Variants in SPICE1 observed in about 807,000 individuals in gnomAD.
SPICE1 encodes spindle and centriole associated protein 1.
Under a neutral mutation model 102.7 loss-of-function variants are expected in SPICE1, and 75 were observed. That is an observed-to-expected ratio of 0.73 (90% CI 0.61 to 0.88). The LOEUF (loss-of-function observed/expected upper bound fraction) is 0.88, where lower values mean the gene tolerates loss of function less well. SPICE1 is among the 40% of genes least tolerant of loss of function. The pLI is 0.00. For missense variants in SPICE1, 979 were observed against 1,020.1 expected, an observed-to-expected ratio of 0.96 and a Z score of 0.55; for synonymous variants, 308 against 350.3, an observed-to-expected ratio of 0.88 and a Z score of 1.35.
chr3:113,500,079 A>G (rs1292080261), intron 3 of SPICE1, among the ~76,000 whole-genome samples: 1 of 152,190 alleles, frequency 6.6e-6, no homozygotes, highest in Non-Finnish European at 1.5e-5. Flanking sequence ...TAGTGTTTAT[A>G]GCCCTTCAAT....
At chr3:113,459,509 A>T in intron 12 of SPICE1, 1 of 984,310 alleles carries the variant, frequency 1.0e-6, no homozygotes, top group Non-Finnish European at 1.2e-6. Context: ...TCTTACCTAT[A>T]GGATAATTAA....
At chr3:113,446,782 C>A in intron 16 of SPICE1, 106 bp from the exon 17 acceptor site, 1 of 899,298 alleles carries the variant, frequency 1.1e-6, no homozygotes, top group Non-Finnish European at 1.8e-6. Flanking sequence ...AGCTTGAAAA[C>A]ATATGGCTAA....
chr3:113,462,178 C>T (rs1935947201), intron 11 of SPICE1, among the ~76,000 whole-genome samples: 1 of 152,192 alleles, frequency 6.6e-6, no homozygotes, highest in Non-Finnish European at 1.5e-5. Flanking sequence ...CCCACTTCCA[C>T]CCTAGACCAA....
intron 3 of SPICE1, among the ~76,000 whole-genome samples, chr3:113,500,445 G>C (rs1273402596): frequency 6.6e-6 from 1 of 151,960 alleles, no homozygotes; most frequent in African/African-American, 2.4e-5. Context: ...TTGAATATGG[G>C]CTAGGTATTA....
At position 113,491,713 on chromosome 3, in the gene SPICE1, G is replaced by GTATCC. The variant is rs554197724; in HGVS notation, c.492+1488_492+1492dup. 4.0e-5 allele frequency among the ~76,000 whole-genome samples: 6 copies of GTATCC among 150,984 alleles called. No individual in the cohort carries two copies. The East Asian group carries it at 1.2e-3, about 29-fold the overall frequency. ...AGTGGTCCTCTGCTTATCTATTCAGGTATCCTCTCTCTCCTCCCTCACTGC... is the reference window on the plus strand; with the variant it reads ...AGTGGTCCTCTGCTTATCTATTCAGGTATCCTATCCTCTCTCTCCTCCCTCACTGC... On this transcript the variant is annotated intron_variant, in intron 6 of 17. Coordinates refer to ENST00000295872, the MANE Select transcript of SPICE1 (RefSeq NM_144718.4).
chr3:113,493,170 A>T (rs1402824299), intron 6 of SPICE1, 36 bp downstream of exon 6: 7 of 1,432,412 alleles, frequency 4.9e-6, no homozygotes. Flanking sequence ...ACTTCCTTTC[A>T]GCATGAGTGT....
At chr3:113,495,184 G>C (rs1936855809) in intron 4 of SPICE1, among the ~76,000 whole-genome samples, 1 of 152,118 alleles carries the variant, frequency 6.6e-6, no homozygotes, top group Admixed American at 6.5e-5. Flanking sequence ...TAGAGTAAAA[G>C]CCAGATAATT....
At chr3:113,473,190 T>C (rs1936249339) in intron 7 of SPICE1, among the ~76,000 whole-genome samples, 1 of 151,882 alleles carries the variant, frequency 6.6e-6, no homozygotes, top group Admixed American at 6.6e-5. Context: ...GTATCAGCGA[T>C]GGAAGATGAA....
intron 7 of SPICE1, among the ~76,000 whole-genome samples, chr3:113,474,017 T>C (rs1249590654): frequency 6.6e-6 from 1 of 152,038 alleles, no homozygotes; most frequent in Non-Finnish European, 1.5e-5. Flanking sequence ...TCAAGACCCA[T>C]CAGTGTGCTG....
chr3:113,468,662 T>C (rs1936121314), intron 9 of SPICE1, 100 bp downstream of exon 9: 3 of 1,355,770 alleles, frequency 2.2e-6, no homozygotes, highest in East Asian at 2.3e-5. Flanking sequence ...GTTGGAACCA[T>C]GTGGATGAGA....
At chr3:113,476,477 G>T (rs1185896926) in intron 7 of SPICE1, among the ~76,000 whole-genome samples, 1 of 148,146 alleles carries the variant, frequency 6.8e-6, no homozygotes, top group Non-Finnish European at 1.5e-5. Flanking sequence ...GCATCACCAA[G>T]TCAATCCTAA....
intron 11 of SPICE1, among the ~76,000 whole-genome samples, chr3:113,463,349 C>A (rs60360979): frequency 0.015 from 2,303 of 152,286 alleles, 47 homozygotes; most frequent in African/African-American, 0.044. Flanking sequence ...GTACCTAGAA[C>A]AGTACCAGGC....
intron 4 of SPICE1, among the ~76,000 whole-genome samples, chr3:113,498,744 A>C (rs6438160): frequency 0.32 from 48,057 of 152,164 alleles, 8,948 homozygotes; most frequent in African/African-American, 0.52. Flanking sequence ...AAGCTTCAAT[A>C]TGAACAAGGA....
chr3:113,455,865 C>T (rs1935767905), intron 13 of SPICE1, among the ~76,000 whole-genome samples: 1 of 152,134 alleles, frequency 6.6e-6, no homozygotes, highest in African/African-American at 2.4e-5. Flanking sequence ...GCATTTAGTA[C>T]GGTTGTGATC....
chr3:113,504,318 G>A (rs913549319), intron 2 of SPICE1, among the ~76,000 whole-genome samples: 1 of 151,292 alleles, frequency 6.6e-6, no homozygotes, highest in Non-Finnish European at 1.5e-5. Flanking sequence ...AAGTGACGAG[G>A]AATACGAACA....
intron 17 of SPICE1, 110 bp downstream of exon 17, chr3:113,446,479 C>G: frequency 1.2e-6 from 1 of 822,594 alleles, no homozygotes; most frequent in East Asian, 2.7e-5. Context: ...TTAAGAATAT[C>G]ATACCAGCTT....
At chr3:113,470,568 C>T (rs1559963889) in intron 7 of SPICE1, among the ~76,000 whole-genome samples, 1 of 152,238 alleles carries the variant, frequency 6.6e-6, no homozygotes, top group African/African-American at 2.4e-5. Flanking sequence ...GGGTGCTAGA[C>T]TCAAAAAATT....
At chr3:113,506,234 A>G (rs189880345) in intron 2 of SPICE1, among the ~76,000 whole-genome samples, 218 of 152,334 alleles carry the variant, frequency 1.4e-3, no homozygotes, top group Non-Finnish European at 2.4e-3. Context: ...CAAAGTGAAA[A>G]GACGTTTTTT....
rs1395279857 is a variant in SPICE1, at chr3:113,465,539, A to G, written c.1287+114T>C. ...CTGCCACTGATGATAAAAATGACTG[A>G]TAAGTAATCACATCGATACAGTTAA... On this transcript the variant is annotated intron_variant, in intron 11 of 17. Coordinates refer to ENST00000295872, the MANE Select transcript of SPICE1 (RefSeq NM_144718.4). 4.8e-6 allele frequency: 4 copies of G among 836,478 alleles called. No homozygotes were observed. In the African/African-American group the frequency reaches 7.0e-5, roughly 15 times the overall value. 51.8% of individuals were successfully genotyped at this position (836,478 alleles called of 1,614,324 possible).
Sources: gnomAD v4.1 joint callset for allele counts (sites outside exome capture counted in the v4.1 genomes callset) on GRCh38, gnomAD v4.1.1 for gene constraint, MANE v1.5 for transcripts, NCBI Gene and HGNC (gene_info 2026-07-23, HGNC 2026-07-21) for gene names.